Variants in NADK2 observed in about 807,000 individuals in gnomAD.
NADK2 encodes NAD kinase 2, mitochondrial, also known as NAD kinase domain-containing protein 1, mitochondrial.
NADK2 carries 35 observed loss-of-function variants against 62.1 expected under a neutral mutation model. The ratio of observed to expected loss-of-function variants is 0.56; its 90% CI spans 0.43 to 0.75. The LOEUF (loss-of-function observed/expected upper bound fraction) is 0.75, where lower values mean the gene tolerates loss of function less well. Ranked by LOEUF, NADK2 falls within the 30% of genes least tolerant of loss-of-function variation. The pLI is 0.00. For missense variants in NADK2, 439 were observed against 561.3 expected (o/e 0.78, Z 2.20); for synonymous variants, 205 against 207.9 (o/e 0.99, Z 0.12).
chr5:36,223,023 G>C (rs1747334366), intron 4 of NADK2, among the ~76,000 whole-genome samples: 1 of 152,156 alleles, frequency 6.6e-6, no homozygotes, highest in South Asian at 2.1e-4. Context: ...GGACAGAACT[G>C]GTAAAGGGCC....
At chr5:36,201,081 C>T (rs762108678) in intron 9 of NADK2, 25 bp downstream of exon 9, 2 of 1,607,354 alleles carry the variant, frequency 1.2e-6, no homozygotes, top group South Asian at 1.1e-5. Context: ...GAGGGGACTA[C>T]TCCAATAGCT....
chr5:36,226,517 C>T lies in NADK2; in HGVS notation c.436G>A (p.Glu146Lys). 11 of 1,613,188 alleles carry T rather than the reference C, an allele frequency of 6.8e-6. No individual in the cohort carries two copies. The highest frequency in any genetic ancestry group is 9.3e-6 in the Non-Finnish European group (11 of 1,179,564). ...VRLVKRREYD[E>K]ETVRWADAVI... ...GCATCTGCCCATCGAACAGTCTCTT[C>T]ATCATATTCTCTCCTCTTTACTAGA... The change falls in exon 3 of 12, where the codon GAA becomes AAA. Residue 146 changes from glutamate to lysine, a missense_variant. Transcript: ENST00000381937.
At chr5:36,209,988 A>G (rs982529799) in intron 7 of NADK2, among the ~76,000 whole-genome samples, 2 of 152,186 alleles carry the variant, frequency 1.3e-5, no homozygotes, top group East Asian at 1.9e-4. Flanking sequence ...TACAATGTGA[A>G]TATCTTTTTT....
intron 1 of NADK2, among the ~76,000 whole-genome samples, chr5:36,230,044 C>A (rs1227222435): frequency 6.6e-6 from 1 of 151,846 alleles, no homozygotes; most frequent in Non-Finnish European, 1.5e-5. Flanking sequence ...AAGCCTCTGA[C>A]AGGGGTTCCC....
At chr5:36,223,981 C>A (rs573757291) in intron 4 of NADK2, among the ~76,000 whole-genome samples, 2 of 152,104 alleles carry the variant, frequency 1.3e-5, no homozygotes, top group African/African-American at 4.8e-5. Context: ...TGAAGTAGTT[C>A]TAATCCAGTG....
At position 36,241,774 on chromosome 5, in the gene NADK2, G is replaced by C. The variant is rs1280949145; in HGVS notation, c.25C>G (p.Leu9Val). The change falls in exon 1 of 12, where the codon CTG becomes GTG. Residue 9 changes from leucine to valine, a missense_variant. By Grantham distance (32) the Leu-to-Val change is conservative (BLOSUM62 1). Transcript: ENST00000381937. The surrounding 1 kb of genome is among the most constrained non-coding windows in gnomAD (Gnocchi z 4.9). ...CCCGCCACGCGACAACAGCTGCCCA[G>C]CAAGAAGCCTCGGTAGCAAGTCATC... is the stretch of plus-strand genomic sequence containing the variant. MTCYRGFL[L>V]GSCCRVAGGR... 1.5e-6 allele frequency: 2 copies of C among 1,341,064 alleles called. No individual in the cohort carries two copies. Among genetic ancestry groups the C allele is most frequent in the Non-Finnish European group, 1.9e-6 (2 of 1,041,380 alleles). 83.1% of individuals were successfully genotyped at this position (1,341,064 alleles called of 1,614,324 possible). A position where few individuals can be genotyped will look rare whatever the true frequency, so the allele number is the denominator to read the frequency against.
intron 1 of NADK2, among the ~76,000 whole-genome samples, chr5:36,237,711 G>A (rs771947467): frequency 6.6e-6 from 1 of 152,150 alleles, no homozygotes; most frequent in Non-Finnish European, 1.5e-5. Flanking sequence ...TTCATGAAGG[G>A]ACTTATCTGC....
chr5:36,228,552 C>T (rs1747575588), intron 1 of NADK2, among the ~76,000 whole-genome samples: 1 of 151,998 alleles, frequency 6.6e-6, no homozygotes, highest in African/African-American at 2.4e-5. Flanking sequence ...AGGCACGTGT[C>T]ACTGTGCCCA....
chr5:36,219,098 G>A (rs994082543), intron 5 of NADK2, among the ~76,000 whole-genome samples: 9 of 152,294 alleles, frequency 5.9e-5, no homozygotes, highest in Non-Finnish European at 7.3e-5. Flanking sequence ...ATTCCAACTG[G>A]ACTAGGAGAA....
At chr5:36,226,737 C>A (rs1747498319) in intron 2 of NADK2, among the ~76,000 whole-genome samples, 174 bp from the exon 3 acceptor site, 1 of 152,078 alleles carries the variant, frequency 6.6e-6, no homozygotes, top group Non-Finnish European at 1.5e-5. Flanking sequence ...ATTACAACAG[C>A]CAATTAACTA....
intron 5 of NADK2, among the ~76,000 whole-genome samples, chr5:36,219,315 A>G (rs1747163458): frequency 6.6e-6 from 1 of 152,000 alleles, no homozygotes; most frequent in Non-Finnish European, 1.5e-5. Flanking sequence ...GGCTCAAGTG[A>G]TCCTCTCAAC....
chr5:36,197,776 G>A, intron 10 of NADK2, 112 bp from the exon 11 acceptor site: 1 of 915,840 alleles, frequency 1.1e-6, no homozygotes, highest in Non-Finnish European at 1.5e-6. Context: ...AAGTATATTT[G>A]GGAACAAGTT....
chr5:36,201,058 C>T, intron 9 of NADK2, 48 bp downstream of exon 9: 2 of 1,528,774 alleles, frequency 1.3e-6, no homozygotes, highest in African/African-American at 1.4e-5. Flanking sequence ...TGGAACTTGT[C>T]CCCTGCGGAT....
intron 8 of NADK2, among the ~76,000 whole-genome samples, chr5:36,201,465 T>C (rs888948920): frequency 2.6e-5 from 4 of 152,048 alleles, no homozygotes; most frequent in African/African-American, 9.6e-5. Context: ...TACACAAAGA[T>C]AGGTACAAAA....
In NADK2 at chr5:36,199,637, C is replaced by G. The variant is rs4869470; in HGVS notation, c.1066+590G>C. ...AAAGAATACATTTGAAGAACTTCTACAAACACCAGCTAGATGATCTACTTT... is the reference window on the plus strand; with the variant it reads ...AAAGAATACATTTGAAGAACTTCTAGAAACACCAGCTAGATGATCTACTTT... On this transcript the variant is annotated intron_variant, in intron 10 of 11. Transcript: ENST00000381937. Among the ~76,000 whole-genome samples the G allele has an allele frequency of 0.012, 1,846 of 152,130 alleles. 156 individuals carry two copies. In the East Asian group the frequency reaches 0.21, roughly 18 times the overall value.
At chr5:36,208,569 T>C in intron 7 of NADK2, 3 of 1,219,462 alleles carry the variant, frequency 2.5e-6, no homozygotes, top group Non-Finnish European at 3.4e-6. Context: ...GATTAGTCAG[T>C]TCATAGAATT....
At chr5:36,217,312 C>A (rs1011475189) in intron 6 of NADK2, among the ~76,000 whole-genome samples, 3 of 152,116 alleles carry the variant, frequency 2.0e-5, no homozygotes, top group African/African-American at 7.2e-5. Context: ...CTCTAAGCTA[C>A]ACAAATACTT....
At chr5:36,217,701 A>T in intron 6 of NADK2, 47 bp downstream of exon 6, 1 of 1,610,452 alleles carries the variant, frequency 6.2e-7, no homozygotes, top group African/African-American at 1.3e-5. Context: ...CAAAGGAGCT[A>T]TGAGTTAAAT....
intron 11 of NADK2, among the ~76,000 whole-genome samples, chr5:36,195,767 G>A (rs1440459558): frequency 2.6e-5 from 4 of 152,122 alleles, no homozygotes; most frequent in Non-Finnish European, 5.9e-5. Context: ...CAGCTTGCTG[G>A]AAGCTCCCTC....
Sources: gnomAD v4.1 joint callset for allele counts (sites outside exome capture counted in the v4.1 genomes callset) on GRCh38, gnomAD v4.1.1 for gene constraint, Gnocchi (gnomAD v3.1) non-coding constraint, MANE v1.5 for transcripts, NCBI Gene and HGNC (gene_info 2026-07-23, HGNC 2026-07-21) for gene names.